Variants in IL1RL2 observed in about 807,000 individuals in gnomAD.
The protein encoded by IL1RL2 is interleukin 1 receptor like 2.
IL1RL2 carries 68 observed loss-of-function variants against 66.8 expected under a neutral mutation model. That is an observed-to-expected ratio of 1.02 (90% confidence interval 0.84 to 1.25). The LOEUF is 1.25. Ranked by LOEUF, IL1RL2 falls within the 50% of genes most tolerant of loss-of-function variation. IL1RL2 has a pLI of 0.00. For synonymous variants in IL1RL2, 305 were observed against 264.6 expected (o/e 1.15, Z -1.48); for missense variants, 729 against 709.3 (o/e 1.03, Z -0.32).
chr2:102,227,762 C>T (rs1437360758), intron 9 of IL1RL2, among the ~76,000 whole-genome samples: 1 of 152,176 alleles, frequency 6.6e-6, no homozygotes, highest in Non-Finnish European at 1.5e-5. Context: ...CGTCACTTTA[C>T]GTATTCTTCC....
At chr2:102,201,926 A>G (rs1688294880) in intron 5 of IL1RL2, among the ~76,000 whole-genome samples, 2 of 152,194 alleles carry the variant, frequency 1.3e-5, no homozygotes, top group South Asian at 2.1e-4. Context: ...TCTTCTGAAC[A>G]ACAGAACACT....
At chr2:102,240,608 C>T (rs1012665689), downstream of IL1RL2, among the ~76,000 whole-genome samples, 1 of 152,094 alleles carries the variant, frequency 6.6e-6, no homozygotes. Context: ...GGTCACAGCT[C>T]GCCAACTTGT....
intron 4 of IL1RL2, among the ~76,000 whole-genome samples, chr2:102,193,012 A>C (rs1387863491): frequency 6.6e-6 from 1 of 152,120 alleles, no homozygotes; most frequent in Non-Finnish European, 1.5e-5. Context: ...CCTTCAAAGT[A>C]AGGTTCACCT....
At chr2:102,189,044 A>T in intron 2 of IL1RL2, 32 bp from the exon 3 acceptor site, 1 of 1,519,606 alleles carries the variant, frequency 6.6e-7, no homozygotes, top group Non-Finnish European at 9.1e-7. Flanking sequence ...TCTTTCATGG[A>T]TAATTGTTTT....
chr2:102,190,269 G>A (rs1334162870), intron 3 of IL1RL2, among the ~76,000 whole-genome samples: 5 of 152,190 alleles, frequency 3.3e-5, no homozygotes, highest in African/African-American at 9.7e-5. Context: ...AAAGCTTTGT[G>A]GGGCCTGAAT....
chr2:102,227,752 C>T (rs144509346), intron 9 of IL1RL2, among the ~76,000 whole-genome samples: 4 of 152,232 alleles, frequency 2.6e-5, no homozygotes, highest in Middle Eastern at 3.4e-3. Flanking sequence ...CAGAAGCCTG[C>T]GTCACTTTAC....
At chr2:102,196,451 T>G (rs35346719) in intron 4 of IL1RL2, among the ~76,000 whole-genome samples, 2,061 of 152,306 alleles carry the variant, frequency 0.014, 54 homozygotes, top group African/African-American at 0.048. Flanking sequence ...TGTTGTCATC[T>G]GTAAAACCAG....
At chr2:102,215,655 C>T (rs182655275) in intron 6 of IL1RL2, among the ~76,000 whole-genome samples, 1 of 152,236 alleles carries the variant, frequency 6.6e-6, no homozygotes, top group Non-Finnish European at 1.5e-5. Flanking sequence ...CACACACACC[C>T]TTGGCCTGAG....
Position 102,219,876 on chromosome 2 carries a change from T to G in IL1RL2, c.855-5T>G. The G allele has an allele frequency of 6.2e-7, 1 of 1,600,200 alleles. No homozygotes were observed. Among genetic ancestry groups the G allele is most frequent in the Non-Finnish European group, 8.6e-7 (1 of 1,168,168 alleles). ...GTATTAATGACTTACTCTTTTCTTT[T>G]ATAGAACCCATGTCTCTTTTCGGGA... On this transcript the variant is annotated splice_polypyrimidine_tract_variant and splice_region_variant and intron_variant, in intron 7 of 11. Transcript: ENST00000264257.
At chr2:102,238,132 G>A (rs1160706851) in intron 11 of IL1RL2, among the ~76,000 whole-genome samples, 1 of 152,142 alleles carries the variant, frequency 6.6e-6, no homozygotes, top group African/African-American at 2.4e-5. Context: ...ACCCCCCTGG[G>A]AATCCCCAGG....
intron 5 of IL1RL2, among the ~76,000 whole-genome samples, chr2:102,205,857 A>G (rs1459720364): frequency 1.3e-5 from 2 of 152,192 alleles, no homozygotes; most frequent in African/African-American, 4.8e-5. Context: ...CTGTAAAGCC[A>G]ATAACTTTTA....
At chr2:102,240,361 C>CTTTT (rs551743835), downstream of IL1RL2, among the ~76,000 whole-genome samples, 55 of 79,796 alleles carry the variant, frequency 6.9e-4, no homozygotes, top group South Asian at 3.7e-3. Context: ...TCTTCTCCTC[C>CTTTT]TTTTTTTTTT....
chr2:102,217,717 T>C (rs1440910796), intron 6 of IL1RL2, among the ~76,000 whole-genome samples: 1 of 152,034 alleles, frequency 6.6e-6, no homozygotes, highest in Non-Finnish European at 1.5e-5. Context: ...GATAGGAAAA[T>C]TGGATATCCA....
Position 102,187,027 on chromosome 2 carries a change from G to C in IL1RL2, c.-72G>C. The C allele has an allele frequency of 7.8e-7, 1 of 1,289,746 alleles. No homozygotes were observed. The highest frequency in any genetic ancestry group is 1.2e-5 in the South Asian group (1 of 81,030). 79.9% of individuals were successfully genotyped at this position (1,289,746 alleles called of 1,614,324 possible). On this transcript the variant is annotated 5_prime_UTR_variant, in exon 1 of 12. Coordinates refer to ENST00000264257, the MANE Select transcript of IL1RL2 (RefSeq NM_003854.4). ...GCATGGAAGTGGCATGACAGGGCTC[G>C]TGTCCCTGTCATATTTTCCACTCTC...
At chr2:102,238,490 C>T (rs1559570737) in intron 11 of IL1RL2, among the ~76,000 whole-genome samples, 1 of 152,162 alleles carries the variant, frequency 6.6e-6, no homozygotes, top group African/African-American at 2.4e-5. Context: ...GTCCCCAGGG[C>T]CCCCCACACC....
rs1457862653 is a variant in IL1RL2, at chr2:102,233,082, T to A, written c.1255T>A (p.Tyr419Asn). The change falls in exon 10 of 12, where the codon TAT becomes AAT. Residue 419 changes from tyrosine to asparagine, a missense_variant. Physicochemically the swap from Tyr to Asn is moderately radical, Grantham distance 143. Transcript: ENST00000264257. ...LPEVLERQCG[Y>N]KLFIFGRDEF... ...CGAGGTGTTGGAGAGACAATGTGGA[T>A]ATAAGTTGTTTATATTCGGCAGAGA... 2 of 1,614,010 alleles carry A rather than the reference T, an allele frequency of 1.2e-6. No homozygotes were observed. Among genetic ancestry groups the A allele is most frequent in the South Asian group, 2.2e-5 (2 of 91,088 alleles).
chr2:102,198,864 T>G (rs1272816008), intron 4 of IL1RL2, among the ~76,000 whole-genome samples: 2 of 152,124 alleles, frequency 1.3e-5, no homozygotes, highest in Non-Finnish European at 2.9e-5. Context: ...ACTTGGACCT[T>G]TCTTCCAATC....
intron 8 of IL1RL2, among the ~76,000 whole-genome samples, chr2:102,224,098 A>G (rs1690386902): frequency 6.6e-6 from 1 of 152,374 alleles, no homozygotes; most frequent in East Asian, 1.9e-4. Flanking sequence ...GGCGTGGCCT[A>G]GGGCAGGTGG....
chr2:102,205,612 G>A (rs1001971292), intron 5 of IL1RL2, among the ~76,000 whole-genome samples: 8 of 152,138 alleles, frequency 5.3e-5, no homozygotes, highest in Non-Finnish European at 7.4e-5. Flanking sequence ...ATGTATTAGA[G>A]CTCCATTGTA....
Sources: allele counts gnomAD v4.1 joint callset (sites outside exome capture counted in the v4.1 genomes callset), GRCh38; gene constraint gnomAD v4.1.1; transcripts MANE v1.5; gene names NCBI Gene and HGNC (gene_info 2026-07-23, HGNC 2026-07-21).